Variants in RABGAP1 observed in about 807,000 individuals in gnomAD.
RABGAP1 encodes RAB GTPase activating protein 1.
A neutral mutation model predicts 137.6 loss-of-function variants in RABGAP1; 23 were observed. The observed-to-expected ratio is 0.17, with a 90% CI of 0.12 to 0.24. RABGAP1 has a LOEUF of 0.24. Ranked by LOEUF, RABGAP1 falls within the 10% of genes least tolerant of loss-of-function variation. The pLI, the probability that RABGAP1 is intolerant of heterozygous loss-of-function variation, is 1.00. For synonymous variants in RABGAP1, 451 were observed against 450.7 expected, an observed-to-expected ratio of 1.00 and a Z score of -0.01; for missense variants, 906 against 1,275.8, an observed-to-expected ratio of 0.71 and a Z score of 4.42.
In RABGAP1 at chr9:123,098,554, G is replaced by A. The variant is rs539948822; in HGVS notation, c.2734-161G>A. Among the ~76,000 whole-genome samples, 8 of 152,302 alleles carry A rather than the reference G, an allele frequency of 5.3e-5. No homozygotes were observed. In the East Asian group the frequency reaches 1.3e-3, roughly 26 times the overall value. ...TCTCCCTCTCCTGCATCAGGAACAG[G>A]GGATTAGTGCTGCCAAGATTGAAGG... On this transcript the variant is annotated intron_variant, in intron 22 of 25. Coordinates refer to ENST00000373647, the MANE Select transcript of RABGAP1 (RefSeq NM_012197.4).
intron 2 of RABGAP1, among the ~76,000 whole-genome samples, chr9:122,984,258 G>A (rs1444364172): frequency 6.6e-6 from 1 of 152,132 alleles, no homozygotes; most frequent in South Asian, 2.1e-4. Flanking sequence ...CTGGGTATTA[G>A]TCTCAAGTTC....
chr9:123,019,708 T>C (rs2031490672), intron 12 of RABGAP1, among the ~76,000 whole-genome samples: 1 of 144,360 alleles, frequency 6.9e-6, no homozygotes, highest in South Asian at 2.2e-4. Context: ...GTTTGTTTGT[T>C]TTGAGACAGT....
Position 123,053,156 on chromosome 9 carries a change from T to G in RABGAP1, c.1795-12192T>G, listed in dbSNP as rs144017599. On this transcript the variant is annotated intron_variant, in intron 13 of 25. Transcript: ENST00000373647. Reference sequence around the variant, plus strand: ...AAACATAATGTTACTGGGTTTTTTTTGTCACTTTTCTTGGCTCTATCAAAT... The same window carrying G: ...AAACATAATGTTACTGGGTTTTTTTGGTCACTTTTCTTGGCTCTATCAAAT... Among the ~76,000 whole-genome samples, 1,476 of 152,350 alleles carry G rather than the reference T, an allele frequency of 9.7e-3. 23 individuals are homozygous for G. Among genetic ancestry groups the G allele is most frequent in the African/African-American group, 0.034 (1,419 of 41,576 alleles).
At chr9:123,035,412 C>T (rs773579952) in intron 13 of RABGAP1, 2 of 1,614,072 alleles carry the variant, frequency 1.2e-6, no homozygotes, top group South Asian at 2.2e-5. Context: ...GCCACAGCAA[C>T]CGCTTCGCAT....
intron 13 of RABGAP1, among the ~76,000 whole-genome samples, chr9:123,064,016 T>C (rs1249166427): frequency 6.6e-6 from 1 of 152,156 alleles, no homozygotes; most frequent in African/African-American, 2.4e-5. Context: ...GCCCCAAAAT[T>C]TGTGTGCGTG....
chr9:122,974,415 C>CTTTTTTTTTTTTTTTTTTTTTTT (rs11331973), intron 2 of RABGAP1, among the ~76,000 whole-genome samples: 1 of 58,218 alleles, frequency 1.7e-5, no homozygotes, highest in African/African-American at 6.9e-5. Context: ...ATGGCTTTGT[C>CTTTTTTTTTTTTTTTTTTTTTTT]TTTTTTTTTT....
At chr9:123,030,201 T>C (rs907511392) in intron 13 of RABGAP1, among the ~76,000 whole-genome samples, 1 of 147,764 alleles carries the variant, frequency 6.8e-6, no homozygotes, top group Non-Finnish European at 1.5e-5. Context: ...ATTTTGGGAG[T>C]CCATTTTGAG....
chr9:123,010,237 T>A, intron 10 of RABGAP1, 117 bp from the exon 11 acceptor site: 1 of 881,494 alleles, frequency 1.1e-6, no homozygotes, highest in Non-Finnish European at 1.7e-6. Flanking sequence ...CTGTATGAAA[T>A]CAGAAGTGAT....
the RABGAP1 span, among the ~76,000 whole-genome samples, chr9:122,934,081 CTT>C: frequency 1.4e-4 from 19 of 139,596 alleles, no homozygotes; most frequent in Admixed American, 2.1e-4. Flanking sequence ...CTTTTCTTTT[CTT>C]TTTTTTTTTT....
chr9:123,100,810 A>G (rs566929563), intron 24 of RABGAP1, among the ~76,000 whole-genome samples: 1 of 152,326 alleles, frequency 6.6e-6, no homozygotes, highest in African/African-American at 2.4e-5. Context: ...TAAATAAGGG[A>G]AAAAAGCCCT....
intron 12 of RABGAP1, among the ~76,000 whole-genome samples, chr9:123,019,598 ACCATGC>A (rs1455176060): frequency 2.0e-5 from 3 of 152,164 alleles, no homozygotes; most frequent in Non-Finnish European, 4.4e-5. Flanking sequence ...TACATGAGTC[ACCATGC>A]CCTGCTGACC....
chr9:123,099,464 A>G lies in RABGAP1; in HGVS notation c.2818-14A>G. The stretch of plus-strand genomic sequence containing the variant: ...ATTGCTCAAGAGATTGTTGTTTTAT[A>G]TTTGTTTCTTTAGATTTGTTCTCAG... On this transcript the variant is annotated splice_polypyrimidine_tract_variant and intron_variant, in intron 23 of 25. Transcript: ENST00000373647. 1 of 1,596,686 alleles carries G rather than the reference A, an allele frequency of 6.3e-7. No individual in the cohort carries two copies. Among genetic ancestry groups the G allele is most frequent in the African/African-American group, 1.3e-5 (1 of 74,622 alleles).
At chr9:123,010,203 A>G in intron 10 of RABGAP1, 151 bp from the exon 11 acceptor site, 2 of 680,248 alleles carry the variant, frequency 2.9e-6, no homozygotes, top group Non-Finnish European at 4.5e-6. Context: ...AGATACTCAA[A>G]AAAACATCAT....
chr9:123,014,777 GT>G (rs1284062533), intron 11 of RABGAP1, among the ~76,000 whole-genome samples: 2 of 150,002 alleles, frequency 1.3e-5, no homozygotes, highest in African/African-American at 4.9e-5. Flanking sequence ...TTAATTCACA[GT>G]TCTGCAGGGC....
intron 1 of RABGAP1, among the ~76,000 whole-genome samples, chr9:122,952,125 A>G (rs1470122743): frequency 2.6e-5 from 4 of 152,270 alleles, no homozygotes; most frequent in South Asian, 4.1e-4. Flanking sequence ...AAGAGGCTGT[A>G]TAAGTGAACA....
intron 19 of RABGAP1, among the ~76,000 whole-genome samples, chr9:123,088,710 C>T (rs948901809): frequency 2.6e-5 from 4 of 152,118 alleles, no homozygotes; most frequent in African/African-American, 9.7e-5. Flanking sequence ...CCAGTTGCAT[C>T]TTGAAGGTAT....
At chr9:122,988,799 C>T (rs551697253) in intron 4 of RABGAP1, among the ~76,000 whole-genome samples, 3 of 151,922 alleles carry the variant, frequency 2.0e-5, no homozygotes, top group African/African-American at 4.8e-5. Context: ...AAAAATTAGC[C>T]GGGCATGGTG....
upstream of RABGAP1, among the ~76,000 whole-genome samples, chr9:122,935,854 G>A (rs1015152615): frequency 6.6e-6 from 1 of 152,110 alleles, no homozygotes; most frequent in African/African-American, 2.4e-5. Context: ...CAGGAATGCT[G>A]GTGGTAACGA....
intron 4 of RABGAP1, among the ~76,000 whole-genome samples, chr9:122,988,361 A>G (rs984095235): frequency 1.3e-5 from 2 of 152,184 alleles, no homozygotes; most frequent in Non-Finnish European, 2.9e-5. Flanking sequence ...TAGACCTTCC[A>G]TAGTTGTGCC....
Sources: gnomAD v4.1 joint callset for allele counts (sites outside exome capture counted in the v4.1 genomes callset) on GRCh38, gnomAD v4.1.1 for gene constraint, MANE v1.5 for transcripts, NCBI Gene and HGNC (gene_info 2026-07-23, HGNC 2026-07-21) for gene names.